Variants in SLC24A4 observed in about 807,000 individuals in gnomAD.
SLC24A4 encodes the protein solute carrier family 24 member 4, also known as sodium/potassium/calcium exchanger 4.
SLC24A4 carries 53 observed loss-of-function variants against 79.0 expected under a neutral mutation model. The observed-to-expected ratio is 0.67, with a 90% CI of 0.54 to 0.84. The LOEUF (loss-of-function observed/expected upper bound fraction) is 0.84. Ranked by LOEUF, SLC24A4 falls within the 40% of genes least tolerant of loss-of-function variation. The pLI is 0.00. For missense variants in SLC24A4, 731 were observed against 822.0 expected (o/e 0.89, Z 1.35); for synonymous variants, 323 against 323.8 (o/e 1.00, Z 0.03).
At chr14:92,377,017 C>T (rs189724779) in intron 2 of SLC24A4, among the ~76,000 whole-genome samples, 1 of 152,220 alleles carries the variant, frequency 6.6e-6, no homozygotes, top group Non-Finnish European at 1.5e-5. Context: ...TCGTGAGGGG[C>T]TCATCACTGC....
At chr14:92,448,654 C>T (rs2139828073) in intron 9 of SLC24A4, among the ~76,000 whole-genome samples, 1 of 152,250 alleles carries the variant, frequency 6.6e-6, no homozygotes, top group African/African-American at 2.4e-5. Context: ...GCAGTGCTGG[C>T]TGTGAGTGTG....
At chr14:92,407,458 A>G (rs1373693498) in intron 2 of SLC24A4, among the ~76,000 whole-genome samples, 1 of 152,144 alleles carries the variant, frequency 6.6e-6, no homozygotes, top group African/African-American at 2.4e-5. Context: ...TTCTGTATTA[A>G]TCCATCCTTA....
chr14:92,405,755 C>A (rs1425238758), intron 2 of SLC24A4, among the ~76,000 whole-genome samples: 1 of 152,104 alleles, frequency 6.6e-6, no homozygotes, highest in African/African-American at 2.4e-5. Flanking sequence ...GGAAATCTGC[C>A]TCCATGATGT....
At chr14:92,366,172 G>A (rs541314312) in intron 2 of SLC24A4, among the ~76,000 whole-genome samples, 71 of 152,314 alleles carry the variant, frequency 4.7e-4, no homozygotes, top group African/African-American at 1.6e-3. Context: ...CCTGCTGGAT[G>A]TGCTGCCTGG....
rs115620830 is a variant in SLC24A4 at position 92,352,803 on chromosome 14, G to A, written c.241+26825G>A. Among the ~76,000 whole-genome samples, 789 of 152,220 alleles carry A rather than the reference G, an allele frequency of 5.2e-3. 9 individuals carry two copies. Among genetic ancestry groups the A allele is most frequent in the African/African-American group, 0.018 (759 of 41,530 alleles). On this transcript the variant is annotated intron_variant, in intron 2 of 16. Transcript: ENST00000532405. ...ACTTATATCGGGGTGAGAGCAGGGC[G>A]CCCCCTTGAGGACATTCAGGAAAGG... is the stretch of plus-strand genomic sequence containing the variant.
chr14:92,406,571 C>T (rs575943745), intron 2 of SLC24A4, among the ~76,000 whole-genome samples: 37 of 152,318 alleles, frequency 2.4e-4, no homozygotes, highest in African/African-American at 8.2e-4. Context: ...AATCTCAACT[C>T]TTGTCTTCTG....
At chr14:92,396,160 A>G (rs1889763680) in intron 2 of SLC24A4, among the ~76,000 whole-genome samples, 1 of 152,128 alleles carries the variant, frequency 6.6e-6, no homozygotes, top group Admixed American at 6.5e-5. Context: ...CTTGCCTTTC[A>G]CTTATAAGCA....
intron 12 of SLC24A4, among the ~76,000 whole-genome samples, chr14:92,458,627 AG>A (rs1893623907): frequency 6.6e-6 from 1 of 152,174 alleles, no homozygotes; most frequent in Non-Finnish European, 1.5e-5. Context: ...CTGGGAGGGC[AG>A]TGTGTCCACC....
chr14:92,324,268 A>C (rs749611650), intron 1 of SLC24A4, among the ~76,000 whole-genome samples: 21 of 152,164 alleles, frequency 1.4e-4, no homozygotes, highest in Non-Finnish European at 2.4e-4. Context: ...TGGGCAGCGC[A>C]ACTGCGGGGT....
At chr14:92,465,046 A>G (rs539780029) in intron 12 of SLC24A4, among the ~76,000 whole-genome samples, 3 of 152,282 alleles carry the variant, frequency 2.0e-5, no homozygotes, top group African/African-American at 7.2e-5. Context: ...GGTAGCTGGT[A>G]TTTATGGTAT....
At chr14:92,381,005 G>A (rs1888814624) in intron 2 of SLC24A4, among the ~76,000 whole-genome samples, 1 of 152,276 alleles carries the variant, frequency 6.6e-6, no homozygotes, top group South Asian at 2.1e-4. Flanking sequence ...AGGTGGGATA[G>A]CAGAGATGCC....
chr14:92,399,525 C>G (rs777672277), intron 2 of SLC24A4, among the ~76,000 whole-genome samples: 9 of 152,134 alleles, frequency 5.9e-5, no homozygotes, highest in Non-Finnish European at 1.2e-4. Context: ...TCCGTATTTC[C>G]TGGTGTTGAC....
At chr14:92,382,532 C>A (rs867371141) in intron 2 of SLC24A4, among the ~76,000 whole-genome samples, 29 of 152,162 alleles carry the variant, frequency 1.9e-4, no homozygotes, top group African/African-American at 7.0e-4. Flanking sequence ...ACAAAGGTAC[C>A]AGGTTAGGCT....
intron 2 of SLC24A4, among the ~76,000 whole-genome samples, chr14:92,371,834 C>A (rs873494): frequency 6.6e-6 from 1 of 152,140 alleles, no homozygotes; most frequent in Non-Finnish European, 1.5e-5. Flanking sequence ...TAGGTCTGTT[C>A]CATGGGTGGC....
At chr14:92,378,190 A>G (rs1888625296) in intron 2 of SLC24A4, among the ~76,000 whole-genome samples, 1 of 152,200 alleles carries the variant, frequency 6.6e-6, no homozygotes, top group Non-Finnish European at 1.5e-5. Flanking sequence ...TTGGCTTGTC[A>G]GCTCAACTAT....
intron 2 of SLC24A4, among the ~76,000 whole-genome samples, chr14:92,387,808 A>G (rs907277535): frequency 1.1e-4 from 16 of 152,212 alleles, no homozygotes; most frequent in African/African-American, 3.6e-4. Context: ...GACTCAGACA[A>G]TATTTGTTCT....
chr14:92,423,123 T>A (rs368440082), intron 2 of SLC24A4, among the ~76,000 whole-genome samples: 4 of 142,648 alleles, frequency 2.8e-5, no homozygotes, highest in African/African-American at 5.2e-5. Context: ...TAATTTACTT[T>A]ATTTAATTTA....
chr14:92,376,241 C>A (rs865871956), intron 2 of SLC24A4, among the ~76,000 whole-genome samples: 51 of 152,252 alleles, frequency 3.3e-4, no homozygotes, highest in African/African-American at 1.2e-3. Flanking sequence ...ATGGAGCTGC[C>A]GATAGAACCT....
At chr14:92,329,689 T>C (rs1885356893) in intron 2 of SLC24A4, among the ~76,000 whole-genome samples, 1 of 152,218 alleles carries the variant, frequency 6.6e-6, no homozygotes, top group African/African-American at 2.4e-5. Flanking sequence ...ATTTGTTCTG[T>C]AGAGGCAGGG....
Sources: allele counts gnomAD v4.1 joint callset (sites outside exome capture counted in the v4.1 genomes callset), GRCh38; gene constraint gnomAD v4.1.1; transcripts MANE v1.5; gene names NCBI Gene and HGNC (gene_info 2026-07-23, HGNC 2026-07-21).